Variants in FAM184B observed in about 807,000 individuals in gnomAD.
The protein encoded by FAM184B is protein FAM184B.
FAM184B carries 111 observed loss-of-function variants against 135.9 expected under a neutral mutation model. The observed-to-expected ratio is 0.82, with a 90% confidence interval of 0.70 to 0.96. FAM184B has a LOEUF of 0.96. FAM184B is among the 40% of genes least tolerant of loss of function. The pLI is 0.00. For missense variants in FAM184B, 1,375 were observed against 1,323.9 expected (o/e 1.04, Z -0.60); for synonymous variants, 552 against 524.8 (o/e 1.05, Z -0.71).
intron 1 of FAM184B, among the ~76,000 whole-genome samples, chr4:17,753,873 T>C (rs1198904828): frequency 6.6e-6 from 1 of 152,174 alleles, no homozygotes; most frequent in Non-Finnish European, 1.5e-5. Flanking sequence ...AAGAAATATG[T>C]AGGACAATTG....
intron 6 of FAM184B, among the ~76,000 whole-genome samples, chr4:17,689,905 T>G (rs1716688178): frequency 6.6e-6 from 1 of 152,118 alleles, no homozygotes; most frequent in African/African-American, 2.4e-5. Flanking sequence ...TCCCAGAACT[T>G]TGGGAGGCCG....
chr4:17,683,479 G>A (rs940534175), intron 7 of FAM184B, among the ~76,000 whole-genome samples: 2 of 152,200 alleles, frequency 1.3e-5, no homozygotes, highest in African/African-American at 4.8e-5. Flanking sequence ...GTGAAGCAAA[G>A]AGACATTAAA....
chr4:17,652,836 G>A lies in FAM184B; in HGVS notation c.2185C>T (p.Leu729=). ...RERMQAQQAL[L]LESLRQELSE... ...TACACTATTGGGTGTATACCTAGCA[G>A]CAGGGCCTGCTGTGCCTGCATCCTC... Residue 729 remains leucine (L), a synonymous_variant, in exon 11 of 18, where the codon CTG becomes TTG. Transcript: ENST00000265018. The A allele has an allele frequency of 6.4e-7, 1 of 1,551,030 alleles. No individual in the cohort carries two copies. The highest frequency in any genetic ancestry group is 8.7e-7 in the Non-Finnish European group (1 of 1,146,832).
intron 1 of FAM184B, among the ~76,000 whole-genome samples, chr4:17,742,159 TATATATA>T (rs367621734): frequency 0.33 from 37,554 of 114,526 alleles, 5,843 homozygotes; most frequent in Non-Finnish European, 0.41. Flanking sequence ...TATATATATA[TATATATA>T]TATTTTTTTT....
chr4:17,755,495 C>T (rs1185405279), intron 1 of FAM184B, among the ~76,000 whole-genome samples: 8 of 152,112 alleles, frequency 5.3e-5, no homozygotes, highest in East Asian at 1.9e-4. Flanking sequence ...TGGAAGACAG[C>T]GTGGTGATTC....
At chr4:17,685,812 A>C (rs746420603) in intron 7 of FAM184B, among the ~76,000 whole-genome samples, 1 of 152,116 alleles carries the variant, frequency 6.6e-6, no homozygotes, top group Non-Finnish European at 1.5e-5. Context: ...CCGCCAAAAC[A>C]AAGAATTATC....
intron 11 of FAM184B, among the ~76,000 whole-genome samples, chr4:17,651,176 G>GA (rs1715605430): frequency 6.6e-6 from 1 of 152,176 alleles, no homozygotes; most frequent in Non-Finnish European, 1.5e-5. Context: ...CAGTAAAGGA[G>GA]AAAATGAGGG....
chr4:17,686,947 A>G lies in FAM184B; in HGVS notation c.1596+1477T>C, dbSNP rs1000690878. 4.0e-5 allele frequency among the ~76,000 whole-genome samples: 6 copies of G among 150,536 alleles called. No individual in the cohort carries two copies. The South Asian group carries it at 1.0e-3, about 26-fold the overall frequency. Reference sequence around the variant, plus strand: ...CAGAGAAAGACCCTGTCTCAAAAACAAAAAAACTCCAGTGAAGTCAAAGAT... The same window carrying G: ...CAGAGAAAGACCCTGTCTCAAAAACGAAAAAACTCCAGTGAAGTCAAAGAT... On this transcript the variant is annotated intron_variant, in intron 7 of 17. Coordinates refer to ENST00000265018, the MANE Select transcript of FAM184B (RefSeq NM_015688.2).
At chr4:17,683,857 T>C (rs1042265521) in intron 7 of FAM184B, among the ~76,000 whole-genome samples, 2 of 151,846 alleles carry the variant, frequency 1.3e-5, no homozygotes, top group African/African-American at 4.8e-5. Context: ...GGGTGGATGG[T>C]TTGAGCCCAG....
At chr4:17,655,436 G>A (rs1715760428) in intron 10 of FAM184B, among the ~76,000 whole-genome samples, 1 of 152,114 alleles carries the variant, frequency 6.6e-6, no homozygotes, top group South Asian at 2.1e-4. Flanking sequence ...CAGCACTCAG[G>A]GCTCAGGGCA....
At chr4:17,703,910 A>C (rs1052218781) in intron 5 of FAM184B, among the ~76,000 whole-genome samples, 2 of 149,194 alleles carry the variant, frequency 1.3e-5, no homozygotes, top group African/African-American at 4.9e-5. Flanking sequence ...CAGCCTGGTG[A>C]CAGACCAAGA....
rs1257055449 is a variant in FAM184B at position 17,642,198 on chromosome 4, G to A, written c.2377C>T (p.Pro793Ser). ...ERGGPGQAGSPPGAAGQGSGE... is the reference protein window; with the variant it reads ...ERGGPGQAGSSPGAAGQGSGE... ...GAACCCTGCCCAGCAGCGCCCGGTG[G>A]GGAGCCGGCCTGGCCCGGGCCGCCC... is the stretch of plus-strand genomic sequence containing the variant. The change falls in exon 13 of 18, where the codon CCA becomes TCA. Residue 793 changes from proline to serine, a missense_variant. Pro to Ser is a moderately conservative substitution (Grantham distance 74). Transcript: ENST00000265018. 1.5e-5 allele frequency: 23 copies of A among 1,523,408 alleles called. No individual in the cohort carries two copies. Among genetic ancestry groups the A allele is most frequent in the Non-Finnish European group, 1.8e-5 (21 of 1,141,932 alleles). 94.4% of individuals were successfully genotyped at this position (1,523,408 alleles called of 1,614,324 possible). A position where few individuals can be genotyped will look rare whatever the true frequency, so the allele number is the denominator to read the frequency against.
At chr4:17,683,162 A>AT (rs1324702755) in intron 7 of FAM184B, among the ~76,000 whole-genome samples, 1 of 151,848 alleles carries the variant, frequency 6.6e-6, no homozygotes, top group African/African-American at 2.4e-5. Flanking sequence ...ACTACATTAC[A>AT]TTTTTTTTCT....
chr4:17,707,536 G>A, intron 3 of FAM184B, 113 bp downstream of exon 3: 8 of 1,378,846 alleles, frequency 5.8e-6, no homozygotes, highest in Non-Finnish European at 7.8e-6. Flanking sequence ...GTCAGATCAA[G>A]CAGCCCTGCC....
At chr4:17,746,692 A>T (rs1718173186) in intron 1 of FAM184B, among the ~76,000 whole-genome samples, 2 of 150,910 alleles carry the variant, frequency 1.3e-5, no homozygotes, top group South Asian at 4.2e-4. Context: ...AGATCGTGCC[A>T]CTGCACTGCA....
Position 17,705,048 on chromosome 4 carries a change from G to A in FAM184B, c.1329C>T (p.Ile443=), listed in dbSNP as rs1717074693. The A allele has an allele frequency of 1.3e-6, 2 of 1,551,722 alleles. No individual in the cohort carries two copies. Among genetic ancestry groups the A allele is most frequent in the African/African-American group, 1.4e-5 (1 of 73,168 alleles). Residue 443 remains isoleucine, a synonymous_variant, in exon 5 of 18, where the codon ATC becomes ATT. Coordinates refer to ENST00000265018, the MANE Select transcript of FAM184B (RefSeq NM_015688.2). ...EDLVKKHTVE[I]KSVRSSVEAE... Reference sequence around the variant, plus strand: ...CCTCCACGGACGAGCGAACGGATTTGATTTCCACGGTGTGCTTCTTTACCA... The same window carrying A: ...CCTCCACGGACGAGCGAACGGATTTAATTTCCACGGTGTGCTTCTTTACCA...
At chr4:17,776,558 C>G in intron 1 of FAM184B, among the ~76,000 whole-genome samples, 1 of 147,954 alleles carries the variant, frequency 6.8e-6, no homozygotes, top group South Asian at 2.1e-4. Context: ...CCAGCTAATT[C>G]TTTTCGTATT....
Position 17,650,382 on chromosome 4 carries a change from G to C in FAM184B, c.2191+2448C>G, listed in dbSNP as rs959883677. Among the ~76,000 whole-genome samples the C allele has an allele frequency of 2.0e-5, 3 of 152,200 alleles. 1 individual carries two copies. The highest frequency in any genetic ancestry group is 1.5e-5 in the Non-Finnish European group (1 of 68,040). On this transcript the variant is annotated intron_variant, in intron 11 of 17. Coordinates refer to ENST00000265018, the MANE Select transcript of FAM184B (RefSeq NM_015688.2). ...ACTGTAGGTGCTTGCACCTTCCCTT[G>C]AAGCCTATGATTTGTTGTCATCACA...
intron 11 of FAM184B, among the ~76,000 whole-genome samples, chr4:17,649,618 CCAG>C (rs886510860): frequency 1.3e-5 from 2 of 151,688 alleles, no homozygotes; most frequent in African/African-American, 2.4e-5. Flanking sequence ...CGTAATCTTT[CCAG>C]CAGAATTTTG....
Sources: allele counts gnomAD v4.1 joint callset (sites outside exome capture counted in the v4.1 genomes callset), GRCh38; gene constraint gnomAD v4.1.1; transcripts MANE v1.5; gene names NCBI Gene and HGNC (gene_info 2026-07-23, HGNC 2026-07-21).